The following MXRA5 variants were observed in gnomAD, a reference collection of about 807,000 sequenced individuals.
MXRA5 encodes matrix remodeling associated 5.
A neutral mutation model predicts 112.5 loss-of-function variants in MXRA5; 41 were observed. That is an observed-to-expected ratio of 0.36 (90% confidence interval 0.28 to 0.47). MXRA5 has a LOEUF of 0.47. Ranked by LOEUF, MXRA5 falls within the 20% of genes least tolerant of loss-of-function variation. The pLI, the probability that MXRA5 is intolerant of heterozygous loss-of-function variation, is 0.99. For synonymous variants in MXRA5, 862 were observed against 900.8 expected (o/e 0.96, Z 0.77); for missense variants, 2,150 against 2,251.0 (o/e 0.96, Z 0.91).
chrX:3,324,483 G>A lies in MXRA5; in HGVS notation c.1202C>T (p.Pro401Leu). 1 of 1,211,475 alleles carries A rather than the reference G, an allele frequency of 8.3e-7. No homozygotes were observed. The highest frequency in any genetic ancestry group is 3.0e-5 in the East Asian group (1 of 33,833). ...CTGCCTGTACTGGTAGCTGACTCTG[G>A]GGTCTTTGCTGAGCATGAGCTCTCT... ...LHRELMLSKD[P>L]RVSYQYRQDA... Residue 401 changes from proline (P) to leucine (L), a missense_variant, in exon 5 of 7, where the codon CCC becomes CTC. By Grantham distance (98) the Pro-to-Leu change is moderately conservative. This residue lies in a region of MXRA5 where 386 missense variants were observed against 411.0 expected (regional missense o/e 0.94). Coordinates refer to ENST00000217939, the MANE Select transcript of MXRA5 (RefSeq NM_015419.4).
At chrX:3,338,114 C>T (rs913481143) in intron 2 of MXRA5, among the ~76,000 whole-genome samples, 5 of 111,196 alleles carry the variant, frequency 4.5e-5, no homozygotes, top group East Asian at 5.7e-4. Context: ...ATCACCTGAA[C>T]GGAGCCCAGA....
rs747665960 is a variant in MXRA5 at position 3,310,456 on chromosome X, C to T, written c.7747G>A (p.Asp2583Asn). 2.8e-5 allele frequency: 34 copies of T among 1,199,644 alleles called. No homozygotes were observed. Among genetic ancestry groups the T allele is most frequent in the Non-Finnish European group, 3.7e-5 (33 of 890,756 alleles). The part of the protein sequence containing the change: ...SLVWVLPNGT[D>N]LQSGQQLQRF... Reference sequence around the variant, plus strand: ...TGCAGCTGCTGTCCACTCTGCAGATCGGTGCCATTGGGAAGGACCCACACC... The same window carrying T: ...TGCAGCTGCTGTCCACTCTGCAGATTGGTGCCATTGGGAAGGACCCACACC... The change falls in exon 7 of 7, where the codon GAT becomes AAT. Residue 2583 changes from aspartate (D) to asparagine (N), a missense_variant. By Grantham distance (23) the Asp-to-Asn change is conservative. Coordinates refer to ENST00000217939, the MANE Select transcript of MXRA5 (RefSeq NM_015419.4).
chrX:3,331,609 T>A (rs772548511), intron 2 of MXRA5, among the ~76,000 whole-genome samples: 1 of 112,467 alleles, frequency 8.9e-6, no homozygotes, highest in African/African-American at 3.2e-5. Context: ...TTATTTCCCA[T>A]GGACAGGCTG....
rs747167610 is a variant in MXRA5, at chrX:3,310,005, G to T, written c.8198C>A (p.Pro2733His). The change falls in exon 7 of 7, where the codon CCC (proline) becomes CAC (histidine). Residue 2733 changes from proline to histidine, a missense_variant. By Grantham distance (77) the Pro-to-His change is moderately conservative. Coordinates refer to ENST00000217939, the MANE Select transcript of MXRA5 (RefSeq NM_015419.4). ...SIPVIVIAYP[P>H]RITSEPTPVI... ...CGGGGTGGGCTCGCTGGTGATCCGG[G>T]GAGGATAGGCGATCACAATCACGGG... is the stretch of plus-strand genomic sequence containing the variant. The T allele has an allele frequency of 4.1e-6, 5 of 1,211,537 alleles. No individual in the cohort carries two copies. The highest frequency in any genetic ancestry group is 5.6e-6 in the Non-Finnish European group (5 of 895,429).
Position 3,324,889 on chromosome X carries a change from C to T in MXRA5, c.796G>A (p.Glu266Lys), listed in dbSNP as rs755933396. The T allele has an allele frequency of 1.7e-6, 2 of 1,209,424 alleles. No homozygotes were observed. The highest frequency in any genetic ancestry group is 5.9e-5 in the East Asian group (2 of 33,781). ...CFSPKKLYKH[E>K]IHKLKDMTCL... The stretch of plus-strand genomic sequence containing the variant: ...GTCATGTCCTTCAGCTTGTGTATCT[C>T]ATGTTTGTACAACTTCTTTGGACTG... Residue 266 changes from glutamate (E) to lysine (K), a missense_variant, in exon 5 of 7, where the codon GAG becomes AAG. Physicochemically the swap from Glu to Lys is moderately conservative, Grantham distance 56 (BLOSUM62 1). Coordinates refer to ENST00000217939, the MANE Select transcript of MXRA5 (RefSeq NM_015419.4).
intron 6 of MXRA5, among the ~76,000 whole-genome samples, 175 bp downstream of exon 6, chrX:3,316,928 G>A (rs1921151168): frequency 9.0e-6 from 1 of 111,425 alleles, no homozygotes; most frequent in Non-Finnish European, 1.9e-5. Flanking sequence ...CGCCCGCCTC[G>A]TCCTCCCAAA....
intron 5 of MXRA5, among the ~76,000 whole-genome samples, chrX:3,318,865 T>TA (rs201972814): frequency 0.054 from 2,937 of 53,969 alleles, 123 homozygotes; most frequent in African/African-American, 0.2. Context: ...TTCTTTTTCT[T>TA]TAAAAAAAAA....
At chrX:3,330,582 A>G in intron 3 of MXRA5, 62 bp downstream of exon 3, 1 of 1,170,915 alleles carries the variant, frequency 8.5e-7, no homozygotes, top group Non-Finnish European at 1.1e-6. Context: ...CATAATTTCT[A>G]TTCTTTATTA....
intron 4 of MXRA5, among the ~76,000 whole-genome samples, chrX:3,327,897 A>T (rs1483615359): frequency 8.8e-6 from 1 of 113,204 alleles, no homozygotes; most frequent in African/African-American, 3.2e-5. Context: ...ACATACACAG[A>T]TGTACACACA....
chrX:3,322,149 G>T lies in MXRA5; in HGVS notation c.3536C>A (p.Thr1179Asn). ...TGCTTGAGTTGGTTGAGTAGAAAAAGTCTCTGATGGGGCAAAAGTTGTGGG... is the reference window on the plus strand; with the variant it reads ...TGCTTGAGTTGGTTGAGTAGAAAAATTCTCTGATGGGGCAAAAGTTGTGGG... The part of the protein sequence containing the change: ...TPPTTFAPSE[T>N]FSTQPTQAPD... Residue 1179 changes from threonine (T) to asparagine (N), a missense_variant, in exon 5 of 7, where the codon ACT (threonine) becomes AAT (asparagine). This residue lies in a region of MXRA5 where 1,485 missense variants were observed against 1,471.6 expected (regional missense o/e 1.01). Transcript: ENST00000217939. 2 of 1,198,768 alleles carry T rather than the reference G, an allele frequency of 1.7e-6. No homozygotes were observed. Among genetic ancestry groups the T allele is most frequent in the Non-Finnish European group, 2.3e-6 (2 of 888,591 alleles).
At chrX:3,318,225 A>G (rs1195115357) in intron 5 of MXRA5, among the ~76,000 whole-genome samples, 3 of 111,724 alleles carry the variant, frequency 2.7e-5, no homozygotes, top group Non-Finnish European at 5.6e-5. Context: ...CAGTGGTACA[A>G]TCATAGCTCA....
chrX:3,330,169 C>A lies in MXRA5; in HGVS notation c.558G>T (p.Arg186Ser), dbSNP rs758222895. The A allele has an allele frequency of 7.4e-6, 9 of 1,209,037 alleles. No homozygotes were observed. Among genetic ancestry groups the A allele is most frequent in the East Asian group, 3.0e-5 (1 of 33,795 alleles). ...FLDYFRLSTI[R>S]HLYLAENMVR... is the part of the protein sequence containing the mutation. ...CCATGTTCTCTGCTAAGTAGAGGTG[C>A]CTTATGGTGGAGAGTCTGAAATAAT... Residue 186 changes from arginine to serine, a missense_variant, in exon 4 of 7, where the codon AGG (arginine) becomes AGT (serine). Transcript: ENST00000217939.
chrX:3,317,442 C>A lies in MXRA5; in HGVS notation c.6239G>T (p.Arg2080Leu), dbSNP rs1326934426. 3 of 1,197,759 alleles carry A rather than the reference C, an allele frequency of 2.5e-6. No individual in the cohort carries two copies. Among genetic ancestry groups the A allele is most frequent in the African/African-American group, 1.7e-5 (1 of 57,664 alleles). Residue 2080 changes from arginine (R) to leucine (L), a missense_variant, in exon 6 of 7, where the codon CGC (arginine) becomes CTC (leucine). Coordinates refer to ENST00000217939, the MANE Select transcript of MXRA5 (RefSeq NM_015419.4). The part of the protein sequence containing the change: ...TAKAAPLPSV[R>L]WVLGDGTQIR... ...CTGGGTACCGTCCCCGAGCACCCAGCGCACGCTGGGCAGGGGCGCAGCCTT... is the reference window on the plus strand; with the variant it reads ...CTGGGTACCGTCCCCGAGCACCCAGAGCACGCTGGGCAGGGGCGCAGCCTT...
chrX:3,331,838 T>C (rs1254275814), intron 2 of MXRA5, among the ~76,000 whole-genome samples: 1 of 112,249 alleles, frequency 8.9e-6, no homozygotes, highest in African/African-American at 3.2e-5. Flanking sequence ...ACTTGATCCC[T>C]GGATAAGCAA....
intron 1 of MXRA5, among the ~76,000 whole-genome samples, chrX:3,344,233 AT>A (rs1224081795): frequency 8.1e-5 from 9 of 111,263 alleles, no homozygotes; most frequent in African/African-American, 2.9e-4. Flanking sequence ...ATAATAAAAT[AT>A]TGTGTTTCTG....
Position 3,320,100 on chromosome X carries a change from G to C in MXRA5, c.5585C>G (p.Thr1862Ser). 4.1e-6 allele frequency: 5 copies of C among 1,211,780 alleles called. No homozygotes were observed. The highest frequency in any genetic ancestry group is 5.6e-6 in the Non-Finnish European group (5 of 895,455). Residue 1862 changes from threonine to serine, a missense_variant, in exon 5 of 7, where the codon ACT (threonine) becomes AGT (serine). By Grantham distance (58) the Thr-to-Ser change is moderately conservative. Coordinates refer to ENST00000217939, the MANE Select transcript of MXRA5 (RefSeq NM_015419.4). Reference sequence around the variant, plus strand: ...GTCTGTCTCAGCGGTGACGGACACAGTCTGTGGGGACTTGGTGAGGATTTG... The same window carrying C: ...GTCTGTCTCAGCGGTGACGGACACACTCTGTGGGGACTTGGTGAGGATTTG... ...KPQILTKSPQ[T>S]VSVTAETDTV...
rs147650979 is a variant in MXRA5, at chrX:3,317,531, G to T, written c.6150C>A (p.His2050Gln). The change falls in exon 6 of 7, where the codon CAC becomes CAA. Residue 2050 changes from histidine (H) to glutamine (Q), a missense_variant. His to Gln is a conservative substitution (Grantham distance 24). Coordinates refer to ENST00000217939, the MANE Select transcript of MXRA5 (RefSeq NM_015419.4). ...LHVAALPPVI[H>Q]QEKLENISLP... ...GCGAGATGTTCTCCAGCTTCTCCTG[G>T]TGGATAACGGGGGGCAGTGCCGCCA... 1,105 of 1,205,384 alleles carry T rather than the reference G, an allele frequency of 9.2e-4. 16 individuals carry two copies. The East Asian group carries it at 0.032, about 35-fold the overall frequency.
intron 6 of MXRA5, among the ~76,000 whole-genome samples, chrX:3,316,058 CAGAAAA>C (rs1361861653): frequency 3.2e-5 from 1 of 31,001 alleles, no homozygotes. Flanking sequence ...AATTTCATTG[CAGAAAA>C]AGCACACACT....
chrX:3,340,270 A>G (rs1191251344), intron 2 of MXRA5, among the ~76,000 whole-genome samples: 2 of 111,852 alleles, frequency 1.8e-5, no homozygotes, highest in African/African-American at 6.5e-5. Context: ...AGAGTCTTAT[A>G]TTTTCTCCAG....
Sources: allele counts gnomAD v4.1 joint callset (sites outside exome capture counted in the v4.1 genomes callset), GRCh38; gene constraint gnomAD v4.1.1; regional missense constraint gnomAD v4.1.1; transcripts MANE v1.5; gene names NCBI Gene and HGNC (gene_info 2026-07-23, HGNC 2026-07-21).